DSG3: variants seen among roughly 807,000 people sequenced by gnomAD.
The protein encoded by DSG3 is desmoglein 3.
In DSG3, 63 loss-of-function variants were observed where a neutral mutation model predicts 85.9. The ratio of observed to expected loss-of-function variants is 0.73; its 90% CI spans 0.60 to 0.90. The LOEUF (loss-of-function observed/expected upper bound fraction) is 0.90, where lower values mean the gene tolerates loss of function less well. Ranked by LOEUF, DSG3 falls within the 40% of genes least tolerant of loss-of-function variation. DSG3 has a pLI of 0.00. For synonymous variants in DSG3, 447 were observed against 441.9 expected (o/e 1.01, Z -0.14); for missense variants, 1,220 against 1,219.9 (o/e 1.00, Z 0.00).
intron 1 of DSG3, among the ~76,000 whole-genome samples, chr18:31,455,034 A>G (rs2072733811): frequency 6.6e-6 from 1 of 152,104 alleles, no homozygotes; most frequent in Non-Finnish European, 1.5e-5. Context: ...AAAAAAAAAA[A>G]AAAAGAATTT....
At position 31,458,506 on chromosome 18, in the gene DSG3, A is replaced by T; in HGVS notation, c.278A>T (p.Asp93Val). Reference sequence around the variant, plus strand: ...TACCGAATCTCTGGAGTGGGAATCGATCAGCCGCCTTTTGGAATCTTTGTT... The same window carrying T: ...TACCGAATCTCTGGAGTGGGAATCGTTCAGCCGCCTTTTGGAATCTTTGTT... ...ITYRISGVGI[D>V]QPPFGIFVVD... The change falls in exon 4 of 16, where the codon GAT becomes GTT. Residue 93 changes from aspartate (D) to valine (V), a missense_variant. Asp to Val is a radical substitution (Grantham distance 152). Coordinates refer to ENST00000257189, the MANE Select transcript of DSG3 (RefSeq NM_001944.3). 6.2e-7 allele frequency: 1 copy of T among 1,614,136 alleles called. No individual in the cohort carries two copies. Among genetic ancestry groups the T allele is most frequent in the Non-Finnish European group, 8.5e-7 (1 of 1,179,994 alleles).
intron 1 of DSG3, 59 bp downstream of exon 1, chr18:31,447,984 A>G: frequency 1.5e-6 from 2 of 1,323,960 alleles, no homozygotes; most frequent in Non-Finnish European, 2.0e-6. Context: ...TTGTTAAAGA[A>G]TATTATATTT....
chr18:31,474,257 T>G lies in DSG3; in HGVS notation c.2238T>G (p.Ala746=), dbSNP rs1213683438. 1.9e-6 allele frequency: 3 copies of G among 1,614,192 alleles called. No individual in the cohort carries two copies. Among genetic ancestry groups the G allele is most frequent in the South Asian group, 1.1e-5 (1 of 91,084 alleles). Residue 746 remains alanine, a synonymous_variant, in exon 15 of 16, where the codon GCT becomes GCG. Transcript: ENST00000257189. ...GFATGTVSGA[A]SGFGAATGVG... ...CAACAGGGACAGTGTCAGGAGCTGC[T>G]TCAGGATTCGGAGCAGCCACTGGAG...
chr18:31,457,264 G>T (rs768788846), intron 3 of DSG3, 140 bp downstream of exon 3: 24 of 585,468 alleles, frequency 4.1e-5, no homozygotes, highest in Non-Finnish European at 5.8e-5. Context: ...CAACAAAATA[G>T]TACAATAATA....
Position 31,475,900 on chromosome 18 carries a change from G to C in DSG3, c.2640G>C (p.Gly880=). Residue 880 remains glycine (G), a synonymous_variant, in exon 16 of 16, where the codon GGG becomes GGC. Transcript: ENST00000257189. The part of the protein sequence containing the change: ...VQPPSKDSGY[G]IESCGHPIEV... ...CACCCTCTAAAGACAGCGGTTATGG[G>C]ATTGAATCCTGTGGCCATCCCATAG... The C allele has an allele frequency of 6.2e-7, 1 of 1,614,182 alleles. No individual in the cohort carries two copies. Among genetic ancestry groups the C allele is most frequent in the South Asian group, 1.1e-5 (1 of 91,084 alleles).
At chr18:31,456,031 C>T (rs983917626) in intron 1 of DSG3, among the ~76,000 whole-genome samples, 1 of 152,078 alleles carries the variant, frequency 6.6e-6, no homozygotes, top group Non-Finnish European at 1.5e-5. Context: ...TTTAATAATC[C>T]CCTGTGGCCC....
At chr18:31,465,295 A>AT (rs1174830146) in intron 9 of DSG3, 23 bp from the exon 10 acceptor site, 5 of 1,370,618 alleles carry the variant, frequency 3.6e-6, no homozygotes, top group East Asian at 2.7e-5. Flanking sequence ...AAGAAAACTG[A>AT]TTTTTTTAAT....
chr18:31,458,374 T>C (rs1000733149), intron 3 of DSG3, 71 bp from the exon 4 acceptor site: 1 of 1,493,998 alleles, frequency 6.7e-7, no homozygotes, highest in East Asian at 2.3e-5. Flanking sequence ...CTTTAGACTA[T>C]GGAAGTGGGG....
intron 2 of DSG3, 60 bp from the exon 3 acceptor site, chr18:31,456,933 A>G (rs2072745781): frequency 3.8e-6 from 6 of 1,562,158 alleles, no homozygotes; most frequent in Admixed American, 3.8e-5. Context: ...TCTGTAATCA[A>G]TATTCTAAGC....
intron 1 of DSG3, among the ~76,000 whole-genome samples, chr18:31,454,686 T>TTC (rs1555665983): frequency 6.6e-6 from 1 of 151,592 alleles, no homozygotes; most frequent in African/African-American, 2.4e-5. Context: ...TTTTTTTTTT[T>TTC]TCTCTTTATG....
At chr18:31,472,673 C>T in intron 13 of DSG3, 52 bp from the exon 14 acceptor site, 1 of 1,579,730 alleles carries the variant, frequency 6.3e-7, no homozygotes, top group African/African-American at 1.3e-5. Flanking sequence ...CACTATATTG[C>T]TCTGAAATCT....
chr18:31,466,528 A>G lies in DSG3; in HGVS notation c.1412-2A>G. 2 of 1,613,356 alleles carry G rather than the reference A, an allele frequency of 1.2e-6. No individual in the cohort carries two copies. Among genetic ancestry groups the G allele is most frequent in the Non-Finnish European group, 1.7e-6 (2 of 1,179,280 alleles). On this transcript the variant is annotated splice_acceptor_variant, in intron 10 of 15. Transcript: ENST00000257189. LOFTEE classifies it high-confidence loss of function. ...TTTAACTCTAAAACATTGTTCTTAC[A>G]GAATACACGGGTAAAACTTCTACAG...
Position 31,447,928 on chromosome 18 carries a change from A to G in DSG3, c.48+3A>G. ...CAGGGGCTCTGGCCATCTTCGTGGT[A>G]AGTCCTGGATTTTCCTAATAATCAC... On this transcript the variant is annotated splice_donor_region_variant and intron_variant, in intron 1 of 15. Transcript: ENST00000257189. 1 of 1,580,928 alleles carries G rather than the reference A, an allele frequency of 6.3e-7. No individual in the cohort carries two copies. Among genetic ancestry groups the G allele is most frequent in the African/African-American group, 1.4e-5 (1 of 72,554 alleles).
Position 31,457,920 on chromosome 18 carries a change from C to T in DSG3, c.217-525C>T, listed in dbSNP as rs549832834. ...CTTGGATTACAGGCATGAGCCACCACGCCCAGCCTGTTATACTGTTCTAAC... is the reference window on the plus strand; with the variant it reads ...CTTGGATTACAGGCATGAGCCACCATGCCCAGCCTGTTATACTGTTCTAAC... On this transcript the variant is annotated intron_variant, in intron 3 of 15. Coordinates refer to ENST00000257189, the MANE Select transcript of DSG3 (RefSeq NM_001944.3). 5.3e-5 allele frequency among the ~76,000 whole-genome samples: 8 copies of T among 152,116 alleles called. No individual in the cohort carries two copies. In the South Asian group the frequency reaches 8.3e-4, roughly 16 times the overall value.
At position 31,478,452 on chromosome 18, in the gene DSG3, G is replaced by A. The variant is rs541737247; in HGVS notation, c.*2192G>A. On this transcript the variant is annotated 3_prime_UTR_variant, in exon 16 of 16. Coordinates refer to ENST00000257189, the MANE Select transcript of DSG3 (RefSeq NM_001944.3). Reference sequence around the variant, plus strand: ...TGGAAACCATGCTATAGTAATAAAGGTTATATAAGAGAGAAATTGAAATTA... The same window carrying A: ...TGGAAACCATGCTATAGTAATAAAGATTATATAAGAGAGAAATTGAAATTA... 1 of 152,040 alleles carries A rather than the reference G, an allele frequency of 6.6e-6. No homozygotes were observed. The highest frequency in any genetic ancestry group is 2.1e-4 in the South Asian group (1 of 4,816). The allele number at this position is 152,040 out of a possible 1,614,324, so 9.4% of individuals were successfully genotyped here. A position where few individuals can be genotyped will look rare whatever the true frequency, so the allele number is the denominator to read the frequency against.
intron 3 of DSG3, among the ~76,000 whole-genome samples, chr18:31,457,539 CTTTCTTTCTCTT>C (rs765532323): frequency 1.3e-4 from 16 of 123,478 alleles, no homozygotes; most frequent in Non-Finnish European, 1.3e-4. Flanking sequence ...TTCTTTCTTT[CTTTCTTTCTCTT>C]TCTTTCTTTC....
rs1389699203 is a variant in DSG3 at position 31,457,115 on chromosome 18, A to C, written c.207A>C (p.Pro69=). The change falls in exon 3 of 16, where the codon CCA becomes CCC. Residue 69 remains proline, a synonymous_variant. Coordinates refer to ENST00000257189, the MANE Select transcript of DSG3 (RefSeq NM_001944.3). Reference sequence around the variant, plus strand: ...GAGAAGATAACTCAAAAAGAAACCCAATTGCCAAGGTAAGTTATATCAACA... The same window carrying C: ...GAGAAGATAACTCAAAAAGAAACCCCATTGCCAAGGTAAGTTATATCAACA... ...REGEDNSKRN[P]IAKITSDYQA... 1 of 1,611,958 alleles carries C rather than the reference A, an allele frequency of 6.2e-7. No homozygotes were observed. The highest frequency in any genetic ancestry group is 1.3e-5 in the African/African-American group (1 of 74,780).
Position 31,464,170 on chromosome 18 carries a change from T to G in DSG3, c.1059T>G (p.Ala353=), listed in dbSNP as rs2072802282. 6.2e-7 allele frequency: 1 copy of G among 1,614,020 alleles called. No homozygotes were observed. The highest frequency in any genetic ancestry group is 1.3e-5 in the African/African-American group (1 of 74,942). ...TTAGTATTGCTGTCAAAAACAAAGC[T>G]GAATTTCACCAATCAGTTATCTCTC... ...VKLSIAVKNK[A]EFHQSVISRY... is the part of the protein sequence containing the mutation. The change falls in exon 9 of 16, where the codon GCT becomes GCG. Residue 353 remains alanine, a synonymous_variant. Transcript: ENST00000257189.
Position 31,476,872 on chromosome 18 carries a change from T to C in DSG3, c.*612T>C, listed in dbSNP as rs994988668. ...TACTCGGGAGGCTGAGGCAGGAGAATGGCATGAACCCGGGAAGCGGAGCTT... is the reference window on the plus strand; with the variant it reads ...TACTCGGGAGGCTGAGGCAGGAGAACGGCATGAACCCGGGAAGCGGAGCTT... On this transcript the variant is annotated 3_prime_UTR_variant, in exon 16 of 16. Transcript: ENST00000257189. 6.8e-6 allele frequency: 1 copy of C among 147,184 alleles called. No homozygotes were observed. The highest frequency in any genetic ancestry group is 1.5e-5 in the Non-Finnish European group (1 of 67,524). The allele number at this position is 147,184 out of a possible 1,614,324, so 9.1% of individuals were successfully genotyped here. A position where few individuals can be genotyped will look rare whatever the true frequency, so the allele number is the denominator to read the frequency against.
Sources: allele counts gnomAD v4.1 joint callset (sites outside exome capture counted in the v4.1 genomes callset), GRCh38; gene constraint gnomAD v4.1.1; transcripts MANE v1.5; gene names NCBI Gene and HGNC (gene_info 2026-07-23, HGNC 2026-07-21).